Variants in RAB2A observed in about 807,000 individuals in gnomAD.
RAB2A encodes the protein ras-related protein Rab-2A.
RAB2A carries 7 observed loss-of-function variants against 32.5 expected under a neutral mutation model. The ratio of observed to expected loss-of-function variants is 0.22; its 90% CI spans 0.12 to 0.40. The LOEUF (loss-of-function observed/expected upper bound fraction) is 0.40. Ranked by LOEUF, RAB2A falls within the 10% of genes least tolerant of loss-of-function variation. The pLI is 1.00. For synonymous variants in RAB2A, 79 were observed against 85.2 expected (o/e 0.93, Z 0.40); for missense variants, 108 against 260.7 (o/e 0.41, Z 4.03).
intron 6 of RAB2A, among the ~76,000 whole-genome samples, chr8:60,595,441 A>G (rs1048509663): frequency 2.6e-5 from 4 of 152,254 alleles, no homozygotes; most frequent in African/African-American, 4.8e-5. Flanking sequence ...TACACAAATC[A>G]AAAGGGATTA....
rs1050069961 is a variant in RAB2A, at chr8:60,622,342, A to G, written c.*1573A>G. ...CTGAAGATTCAGCAGTACTCTCTCA[A>G]AGGTTTGACAGTACTCTTGTGGGAA... is the stretch of plus-strand genomic sequence containing the variant. On this transcript the variant is annotated 3_prime_UTR_variant, in exon 8 of 8. Coordinates refer to ENST00000262646, the MANE Select transcript of RAB2A (RefSeq NM_002865.3). 6 of 152,214 alleles carry G rather than the reference A, an allele frequency of 3.9e-5. No individual in the cohort carries two copies. The highest frequency in any genetic ancestry group is 1.2e-4 in the African/African-American group (5 of 41,462). 9.4% of individuals were successfully genotyped at this position (152,214 alleles called of 1,614,324 possible).
chr8:60,587,362 G>A (rs1803868227), intron 5 of RAB2A, among the ~76,000 whole-genome samples: 1 of 152,096 alleles, frequency 6.6e-6, no homozygotes, highest in African/African-American at 2.4e-5. Context: ...AAAATTAACT[G>A]GAAGTGGATC....
intron 6 of RAB2A, among the ~76,000 whole-genome samples, chr8:60,605,840 C>CATATATATATATATATATATATAT (rs1003742324): frequency 7.3e-6 from 1 of 136,768 alleles, no homozygotes; most frequent in African/African-American, 3.2e-5. Context: ...TACATATATA[C>CATATATATATATATATATATATAT]ATATATATAT....
rs754207778 is a variant in RAB2A, at chr8:60,517,080, G to T, written c.-128G>T. On this transcript the variant is annotated 5_prime_UTR_variant, in exon 1 of 8. Coordinates refer to ENST00000262646, the MANE Select transcript of RAB2A (RefSeq NM_002865.3). ...TCACAGCCCCTCACTCCCGGCGGCT[G>T]ACAGCAGCAGCGGCGGCGGCGGGCG... The T allele has an allele frequency of 2.0e-6, 2 of 996,730 alleles. No homozygotes were observed. The highest frequency in any genetic ancestry group is 2.8e-6 in the Non-Finnish European group (2 of 720,580). The allele number at this position is 996,730 out of a possible 1,614,324, so 61.7% of individuals were successfully genotyped here. A position where few individuals can be genotyped will look rare whatever the true frequency, so the allele number is the denominator to read the frequency against.
At chr8:60,611,055 A>G (rs562407820) in intron 6 of RAB2A, among the ~76,000 whole-genome samples, 1 of 152,248 alleles carries the variant, frequency 6.6e-6, no homozygotes, top group South Asian at 2.1e-4. Flanking sequence ...TCACCATTTT[A>G]CTCTGTCACT....
intron 3 of RAB2A, among the ~76,000 whole-genome samples, chr8:60,581,161 T>G (rs1354933813): frequency 1.3e-5 from 2 of 152,216 alleles, no homozygotes; most frequent in African/African-American, 2.4e-5. Flanking sequence ...ATCCCTAATT[T>G]GAAAATCCCA....
intron 1 of RAB2A, among the ~76,000 whole-genome samples, chr8:60,532,228 A>G (rs1041180646): frequency 2.6e-5 from 4 of 152,252 alleles, no homozygotes; most frequent in Admixed American, 1.3e-4. Flanking sequence ...TGATATAAAT[A>G]AATCTGTTAG....
chr8:60,583,039 G>A (rs1242827069), intron 3 of RAB2A, among the ~76,000 whole-genome samples: 2 of 151,962 alleles, frequency 1.3e-5, no homozygotes, highest in African/African-American at 4.8e-5. Context: ...ACATGCAGGG[G>A]GTGGGGGATG....
intron 6 of RAB2A, among the ~76,000 whole-genome samples, chr8:60,612,778 A>G (rs1563487293): frequency 6.6e-6 from 1 of 152,332 alleles, no homozygotes; most frequent in South Asian, 2.1e-4. Flanking sequence ...GAGAAACTGT[A>G]TGAGAGAAGT....
intron 1 of RAB2A, among the ~76,000 whole-genome samples, chr8:60,549,338 A>T (rs1807805848): frequency 6.6e-6 from 1 of 152,208 alleles, no homozygotes; most frequent in Non-Finnish European, 1.5e-5. Flanking sequence ...ACTGCACTCC[A>T]GCCTGGGCAC....
At chr8:60,605,224 G>C (rs192624072) in intron 6 of RAB2A, among the ~76,000 whole-genome samples, 1 of 152,220 alleles carries the variant, frequency 6.6e-6, no homozygotes, top group African/African-American at 2.4e-5. Context: ...TGGTAAGCCT[G>C]TGGGTGCACA....
Position 60,620,810 on chromosome 8 carries a change from C to A in RAB2A, c.*41C>A. 6.5e-7 allele frequency: 1 copy of A among 1,536,084 alleles called. No individual in the cohort carries two copies. The highest frequency in any genetic ancestry group is 8.8e-7 in the Non-Finnish European group (1 of 1,131,222). ...CTAGCTGCCCAACGGGGCCTACTCA[C>A]TTATTCTTTCACCCCCTCTCCTCCT... On this transcript the variant is annotated 3_prime_UTR_variant, in exon 8 of 8. Coordinates refer to ENST00000262646, the MANE Select transcript of RAB2A (RefSeq NM_002865.3).
chr8:60,558,214 T>TAAG, intron 1 of RAB2A, among the ~76,000 whole-genome samples: 1 of 152,092 alleles, frequency 6.6e-6, no homozygotes, highest in East Asian at 1.9e-4. Context: ...TGAAAATGAG[T>TAAG]AAGAAGGGGG....
intron 1 of RAB2A, among the ~76,000 whole-genome samples, chr8:60,545,489 C>T (rs1338674500): frequency 6.6e-6 from 1 of 152,088 alleles, no homozygotes; most frequent in Non-Finnish European, 1.5e-5. Flanking sequence ...GTTGCCCAGG[C>T]TGGTCACGAA....
chr8:60,552,319 A>T (rs2130826453), intron 1 of RAB2A: 1 of 151,110 alleles, frequency 6.6e-6, no homozygotes, highest in East Asian at 2.0e-4. Flanking sequence ...AAATTTTTTT[A>T]TACCTATGGG....
At chr8:60,612,608 A>G (rs1235831606) in intron 6 of RAB2A, among the ~76,000 whole-genome samples, 1 of 152,254 alleles carries the variant, frequency 6.6e-6, no homozygotes, top group Non-Finnish European at 1.5e-5. Context: ...GGAAAGATAT[A>G]TGTAGTGAGA....
chr8:60,516,974 C>T (rs949838517), upstream of RAB2A: 2 of 419,368 alleles, frequency 4.8e-6, no homozygotes, highest in East Asian at 3.8e-5. Flanking sequence ...GCGGAGGCGC[C>T]GCGGCGGCTG....
intron 3 of RAB2A, among the ~76,000 whole-genome samples, chr8:60,573,619 C>G (rs1163181374): frequency 3.3e-5 from 5 of 152,128 alleles, no homozygotes; most frequent in African/African-American, 1.2e-4. Context: ...CCCACATGAG[C>G]CTAAAGCATC....
chr8:60,558,092 GTGAA>G (rs554448030), intron 1 of RAB2A, among the ~76,000 whole-genome samples: 4 of 152,176 alleles, frequency 2.6e-5, no homozygotes, highest in Admixed American at 1.3e-4. Flanking sequence ...GAGTAAGTGA[GTGAA>G]TGAATGAATG....
Sources: allele counts gnomAD v4.1 joint callset (sites outside exome capture counted in the v4.1 genomes callset), GRCh38; gene constraint gnomAD v4.1.1; transcripts MANE v1.5; gene names NCBI Gene and HGNC (gene_info 2026-07-23, HGNC 2026-07-21).